SYNJ2: variants seen among roughly 807,000 people sequenced by gnomAD.
The protein encoded by SYNJ2 is polyphosphatidylinositol phosphatase SYNJ2.
In SYNJ2, 116 loss-of-function variants were observed where a neutral mutation model predicts 141.3. The observed-to-expected ratio is 0.82, with a 90% CI of 0.71 to 0.96. SYNJ2 has a LOEUF of 0.96. Among genes scored for constraint, SYNJ2 ranks in the 40% least tolerant of loss-of-function variants. The pLI, the probability that SYNJ2 is intolerant of heterozygous loss-of-function variation, is 0.00. For synonymous variants in SYNJ2, 745 were observed against 777.7 expected, an observed-to-expected ratio of 0.96 and a Z score of 0.70; for missense variants, 1,873 against 1,934.8, an observed-to-expected ratio of 0.97 and a Z score of 0.60.
At chr6:157,990,778 T>C (rs1185070665) in intron 1 of SYNJ2, among the ~76,000 whole-genome samples, 1 of 152,354 alleles carries the variant, frequency 6.6e-6, no homozygotes, top group African/African-American at 2.4e-5. Context: ...TACTGACTGG[T>C]GGGAGTAACC....
intron 1 of SYNJ2, among the ~76,000 whole-genome samples, chr6:157,996,652 G>A (rs1583291203): frequency 1.3e-5 from 2 of 152,320 alleles, no homozygotes; most frequent in Non-Finnish European, 1.5e-5. Flanking sequence ...CCAGTGGGAG[G>A]TGATTGGGCC....
At chr6:158,054,682 T>C (rs1014912784) in intron 5 of SYNJ2, among the ~76,000 whole-genome samples, 2 of 152,224 alleles carry the variant, frequency 1.3e-5, no homozygotes, top group African/African-American at 4.8e-5. Flanking sequence ...CTCATCATCT[T>C]ACCCTGGATC....
At chr6:158,053,715 A>G in intron 5 of SYNJ2, among the ~76,000 whole-genome samples, 1 of 149,762 alleles carries the variant, frequency 6.7e-6, no homozygotes, top group Non-Finnish European at 1.5e-5. Flanking sequence ...TCATCCACCC[A>G]TCCAGCCATC....
intron 5 of SYNJ2, among the ~76,000 whole-genome samples, chr6:158,052,530 A>G (rs992801868): frequency 5.9e-5 from 9 of 152,214 alleles, no homozygotes; most frequent in Non-Finnish European, 1.2e-4. Flanking sequence ...GCTTACAGTC[A>G]TGGTGGAAGA....
intron 2 of SYNJ2, among the ~76,000 whole-genome samples, chr6:158,022,717 T>C (rs2128331610): frequency 6.6e-6 from 1 of 152,332 alleles, no homozygotes; most frequent in Admixed American, 6.5e-5. Context: ...TTCAGGGCCC[T>C]GGTCTCTCCC....
At chr6:158,013,386 A>T (rs1778337476) in intron 1 of SYNJ2, among the ~76,000 whole-genome samples, 1 of 152,164 alleles carries the variant, frequency 6.6e-6, no homozygotes, top group South Asian at 2.1e-4. Context: ...CAAAAAAAAA[A>T]TTGCATACAA....
At chr6:158,059,544 G>T in intron 7 of SYNJ2, 191 bp downstream of exon 7, 4 of 1,338,584 alleles carry the variant, frequency 3.0e-6, no homozygotes, top group African/African-American at 1.5e-5. Context: ...TACAGTGAGT[G>T]TAATTTCTTT....
chr6:157,991,740 G>A (rs1319120130), intron 1 of SYNJ2, among the ~76,000 whole-genome samples: 2 of 152,194 alleles, frequency 1.3e-5, no homozygotes, highest in Admixed American at 1.3e-4. Flanking sequence ...AATCGAAGAT[G>A]GCTTTGAGGT....
chr6:158,096,553 T>C lies in SYNJ2; in HGVS notation c.*189T>C, dbSNP rs78927369. On this transcript the variant is annotated 3_prime_UTR_variant, in exon 27 of 27. Transcript: ENST00000355585. ...TGGTTACTCAGCCACCAAAATATAT[T>C]TCACTCAAGGCTTGTACATCTGAAG... 1.1e-3 allele frequency: 596 copies of C among 566,428 alleles called. 7 individuals carry two copies. The East Asian group carries it at 0.019, about 18-fold the overall frequency. 35.1% of individuals were successfully genotyped at this position (566,428 alleles called of 1,614,324 possible). A position where few individuals can be genotyped will look rare whatever the true frequency, so the allele number is the denominator to read the frequency against.
rs771744627 is a variant in SYNJ2 at position 158,084,156 on chromosome 6, C to G, written c.3190C>G (p.Gln1064Glu). Residue 1064 changes from glutamine (Q) to glutamate (E), a missense_variant, in exon 22 of 27, where the codon CAG (glutamine) becomes GAG (glutamate). Physicochemically the swap from Gln to Glu is conservative, Grantham distance 29. Coordinates refer to ENST00000355585, the MANE Select transcript of SYNJ2 (RefSeq NM_003898.4). This position sits in a 1 kb window ranked among gnomAD's most constrained non-coding sequence, Gnocchi z 5.0. ...GTCACCTGCTCTCACCAAAAAGAAG[C>G]AGCATCCAACGTACAAAGGTAGCCT... Reference protein sequence around the residue: ...SKSPALTKKKQHPTYKDDADL... With the variant: ...SKSPALTKKKEHPTYKDDADL... 1 of 1,614,034 alleles carries G rather than the reference C, an allele frequency of 6.2e-7. No individual in the cohort carries two copies. The highest frequency in any genetic ancestry group is 8.5e-7 in the Non-Finnish European group (1 of 1,179,976).
rs112734820 is a variant in SYNJ2 at position 158,085,000 on chromosome 6, A to AC, written c.3208+827dup. On this transcript the variant is annotated intron_variant, in intron 22 of 26. Transcript: ENST00000355585. The surrounding 1 kb of genome is among the most constrained non-coding windows in gnomAD (Gnocchi z 5.0). Reference sequence around the variant, plus strand: ...TGAAAGGTCACATTGATTGAACCACACACCCCTAGATTAAATAATACAACT... The same window carrying AC: ...TGAAAGGTCACATTGATTGAACCACACCACCCCTAGATTAAATAATACAACT... Among the ~76,000 whole-genome samples the AC allele has an allele frequency of 0.13, 19,234 of 150,444 alleles. 1,482 individuals are homozygous for AC. The highest frequency in any genetic ancestry group is 0.21 in the African/African-American group (8,619 of 40,644).
intron 4 of SYNJ2, among the ~76,000 whole-genome samples, chr6:158,036,618 G>A (rs1779652285): frequency 1.3e-5 from 2 of 152,148 alleles, no homozygotes; most frequent in Non-Finnish European, 2.9e-5. Context: ...CCTATCAGAG[G>A]GTGGAGGATG....
At chr6:158,048,763 C>T (rs1780391249) in intron 5 of SYNJ2, among the ~76,000 whole-genome samples, 3 of 152,134 alleles carry the variant, frequency 2.0e-5, no homozygotes, top group African/African-American at 7.2e-5. Flanking sequence ...TTGTCCATTG[C>T]TGTGGTGTAA....
At chr6:158,075,680 T>C (rs1012591857) in intron 16 of SYNJ2, among the ~76,000 whole-genome samples, 5 of 151,822 alleles carry the variant, frequency 3.3e-5, no homozygotes, top group African/African-American at 1.2e-4. Flanking sequence ...ATAAGGTCTC[T>C]CCTGAAGCAA....
chr6:158,017,826 G>C (rs774255635), intron 2 of SYNJ2: 1 of 526,680 alleles, frequency 1.9e-6, no homozygotes, highest in East Asian at 5.5e-5. Context: ...ACCTGCCTGT[G>C]CTGGGGAGCA....
chr6:158,019,361 C>T (rs1357906261), intron 2 of SYNJ2, among the ~76,000 whole-genome samples: 1 of 152,204 alleles, frequency 6.6e-6, no homozygotes, highest in Non-Finnish European at 1.5e-5. Flanking sequence ...TGGCTGGGCT[C>T]ACAAGGGGGA....
intron 5 of SYNJ2, among the ~76,000 whole-genome samples, chr6:158,051,999 G>A (rs975350565): frequency 6.6e-6 from 1 of 151,716 alleles, no homozygotes; most frequent in Non-Finnish European, 1.5e-5. Context: ...AAAAGAAAAG[G>A]AAACCTTCTC....
At position 158,062,129 on chromosome 6, in the gene SYNJ2, C is replaced by T. The variant is rs376745407; in HGVS notation, c.1092C>T (p.Phe364=). The T allele has an allele frequency of 5.6e-5, 91 of 1,613,826 alleles. No individual in the cohort carries two copies. The highest frequency in any genetic ancestry group is 5.0e-4 in the Admixed American group (30 of 60,000). ...AGTTAAAGCTGCACTGGGAAGACTT[C>T]GATGTGTTCACAAAGGGGGAGAACG... The part of the protein sequence containing the change: ...RPQLKLHWED[F]DVFTKGENVS... Residue 364 remains phenylalanine, a synonymous_variant, in exon 8 of 27, where the codon TTC becomes TTT. Transcript: ENST00000355585.
intron 20 of SYNJ2, among the ~76,000 whole-genome samples, chr6:158,082,073 G>A (rs1010989807): frequency 3.3e-5 from 5 of 152,142 alleles, no homozygotes; most frequent in South Asian, 2.1e-4. Flanking sequence ...AAGGGTGGGC[G>A]CAGTGGCTTA....
Sources: gnomAD v4.1 joint callset for allele counts (sites outside exome capture counted in the v4.1 genomes callset) on GRCh38, gnomAD v4.1.1 for gene constraint, Gnocchi (gnomAD v3.1) non-coding constraint, MANE v1.5 for transcripts, NCBI Gene and HGNC (gene_info 2026-07-23, HGNC 2026-07-21) for gene names.